RB1CC1: variants seen among roughly 807,000 people sequenced by gnomAD.
RB1CC1 encodes the protein RB1 inducible coiled-coil 1.
A neutral mutation model predicts 177.5 loss-of-function variants in RB1CC1; 46 were observed. That is an observed-to-expected ratio of 0.26 (90% CI 0.20 to 0.33). The LOEUF (loss-of-function observed/expected upper bound fraction) is 0.33, where lower values mean the gene tolerates loss of function less well. Ranked by LOEUF, RB1CC1 falls within the 10% of genes least tolerant of loss-of-function variation. The probability of loss-of-function intolerance (pLI) is 1.00; values close to 1 mark genes in which losing one functional copy is unlikely to be tolerated. For synonymous variants in RB1CC1, 666 were observed against 613.6 expected, an observed-to-expected ratio of 1.09 and a Z score of -1.26; for missense variants, 1,703 against 1,816.3, an observed-to-expected ratio of 0.94 and a Z score of 1.13.
chr8:52,684,329 C>T (rs779447391), intron 3 of RB1CC1, among the ~76,000 whole-genome samples: 13 of 152,128 alleles, frequency 8.5e-5, no homozygotes, highest in South Asian at 4.1e-4. Context: ...TGTGAAGATT[C>T]CTTCCTATCC....
chr8:52,650,154 G>GAAAT (rs1328909909), intron 15 of RB1CC1, among the ~76,000 whole-genome samples: 1 of 152,220 alleles, frequency 6.6e-6, no homozygotes, highest in East Asian at 1.9e-4. Flanking sequence ...TGGTGAAAGG[G>GAAAT]AAATATGCCG....
intron 19 of RB1CC1, among the ~76,000 whole-genome samples, chr8:52,635,493 A>G (rs996482498): frequency 1.3e-5 from 2 of 152,302 alleles, no homozygotes; most frequent in East Asian, 3.9e-4. Flanking sequence ...TCTATGAACA[A>G]TGATCTGCCA....
Position 52,656,045 on chromosome 8 carries a change from C to G in RB1CC1, c.3784G>C (p.Glu1262Gln). The G allele has an allele frequency of 1.2e-6, 2 of 1,610,678 alleles. No homozygotes were observed. The highest frequency in any genetic ancestry group is 2.2e-5 in the South Asian group (2 of 90,314). Residue 1262 changes from glutamate to glutamine, a missense_variant, in exon 15 of 24, where the codon GAA (glutamate) becomes CAA (glutamine). Coordinates refer to ENST00000025008, the MANE Select transcript of RB1CC1 (RefSeq NM_014781.5). ...EREVVEKELL[E>Q]KVKHLENQIA... Reference sequence around the variant, plus strand: ...TGATTCTCAAGATGTTTAACTTTTTCTAATAACTCTTTCTCAACAACTTCT... The same window carrying G: ...TGATTCTCAAGATGTTTAACTTTTTGTAATAACTCTTTCTCAACAACTTCT...
chr8:52,630,479 GC>G lies in RB1CC1; in HGVS notation c.4489del (p.Ala1497LeufsTer15). 6.3e-7 allele frequency: 1 copy of G among 1,581,538 alleles called. No homozygotes were observed. Among genetic ancestry groups the G allele is most frequent in the Non-Finnish European group, 8.6e-7 (1 of 1,167,456 alleles). On this transcript the variant is annotated frameshift_variant, in exon 21 of 24. Coordinates refer to ENST00000025008, the MANE Select transcript of RB1CC1 (RefSeq NM_014781.5). LOFTEE classifies it high-confidence loss of function. The stretch of plus-strand genomic sequence containing the variant: ...AAACTAAAATACTTACTCTCTAATA[GC>G]TATCTTTTCAGAATGCCTTGAAGAT... Reference protein sequence around the residue: ...SVSSRHSEKIAIRDFQVGDLV... With the variant: ...SVSSRHSEKIXIRDFQVGDLV...
chr8:52,675,607 A>AC (rs1263860440), intron 6 of RB1CC1, among the ~76,000 whole-genome samples: 1 of 151,784 alleles, frequency 6.6e-6, no homozygotes, highest in African/African-American at 2.4e-5. Flanking sequence ...GCAGTGGCTC[A>AC]CGCCTGTAAT....
intron 1 of RB1CC1, among the ~76,000 whole-genome samples, chr8:52,704,178 T>C (rs1264789319): frequency 6.6e-6 from 1 of 152,180 alleles, no homozygotes; most frequent in Non-Finnish European, 1.5e-5. Flanking sequence ...TCAGGAGTTA[T>C]CCAATTTCTC....
chr8:52,656,041 T>C lies in RB1CC1; in HGVS notation c.3788A>G (p.Lys1263Arg), dbSNP rs776790288. Residue 1263 changes from lysine (K) to arginine (R), a missense_variant, in exon 15 of 24, where the codon AAA (lysine) becomes AGA (arginine). Lys to Arg is a conservative substitution (Grantham distance 26, BLOSUM62 2). This residue lies in a region of RB1CC1 where 1,169 missense variants were observed against 1,184.7 expected (regional missense o/e 0.99). Coordinates refer to ENST00000025008, the MANE Select transcript of RB1CC1 (RefSeq NM_014781.5). ...TATTTGATTCTCAAGATGTTTAACT[T>C]TTTCTAATAACTCTTTCTCAACAAC... is the stretch of plus-strand genomic sequence containing the variant. ...REVVEKELLE[K>R]VKHLENQIAK... 6.2e-7 allele frequency: 1 copy of C among 1,610,896 alleles called. No individual in the cohort carries two copies. Among genetic ancestry groups the C allele is most frequent in the East Asian group, 2.2e-5 (1 of 44,752 alleles).
At chr8:52,630,615 C>T (rs1302277956) in intron 20 of RB1CC1, 87 bp from the exon 21 acceptor site, 3 of 1,348,418 alleles carry the variant, frequency 2.2e-6, no homozygotes, top group African/African-American at 3.0e-5. Context: ...CTGTTATACA[C>T]ATTCAAGCCT....
At chr8:52,636,909 T>A (rs1274320422) in intron 18 of RB1CC1, among the ~76,000 whole-genome samples, 4 of 152,306 alleles carry the variant, frequency 2.6e-5, no homozygotes, top group Middle Eastern at 3.4e-3. Context: ...CGACCATGAA[T>A]ACGAGGGCTA....
intron 12 of RB1CC1, among the ~76,000 whole-genome samples, chr8:52,659,321 T>C (rs1278083184): frequency 6.6e-6 from 1 of 152,110 alleles, no homozygotes; most frequent in African/African-American, 2.4e-5. Flanking sequence ...CGTATATATA[T>C]AATATTTACC....
chr8:52,660,513 A>C, intron 12 of RB1CC1, 83 bp downstream of exon 12: 1 of 1,280,888 alleles, frequency 7.8e-7, no homozygotes. Flanking sequence ...AATTTCTGCA[A>C]GTTTCTGATA....
Position 52,658,151 on chromosome 8 carries a change from C to T in RB1CC1, c.1794-27G>A, listed in dbSNP as rs771353054. ...TGAAACAGAATGCAATGCAATTAGA[C>T]TTCTGATTTTTTAATGAACTAGTAG... On this transcript the variant is annotated intron_variant, in intron 13 of 23. Transcript: ENST00000025008. 13 of 1,591,326 alleles carry T rather than the reference C, an allele frequency of 8.2e-6. No homozygotes were observed. In the South Asian group the frequency reaches 1.5e-4, roughly 18 times the overall value.
chr8:52,628,232 T>C, intron 21 of RB1CC1, 64 bp from the exon 22 acceptor site: 3 of 1,451,348 alleles, frequency 2.1e-6, no homozygotes, highest in Middle Eastern at 3.9e-4. Flanking sequence ...TCTGAAAACT[T>C]AGCATATATA....
intron 15 of RB1CC1, among the ~76,000 whole-genome samples, chr8:52,648,034 G>T (rs893202063): frequency 5.3e-5 from 8 of 152,174 alleles, no homozygotes; most frequent in Admixed American, 3.3e-4. Context: ...ATTGCTTGGG[G>T]TACTCCATTT....
intron 21 of RB1CC1, 118 bp downstream of exon 21, chr8:52,630,352 G>T: frequency 7.9e-7 from 1 of 1,260,876 alleles, no homozygotes; most frequent in Non-Finnish European, 1.1e-6. Flanking sequence ...CTACTACTGA[G>T]TGCAAAACAC....
At chr8:52,692,591 G>A (rs1228633500) in intron 1 of RB1CC1, among the ~76,000 whole-genome samples, 1 of 152,032 alleles carries the variant, frequency 6.6e-6, no homozygotes, top group African/African-American at 2.4e-5. Context: ...TAGAAAGAAA[G>A]TTGTAAAAAC....
intron 1 of RB1CC1, among the ~76,000 whole-genome samples, chr8:52,689,613 T>C (rs1440779787): frequency 1.3e-5 from 2 of 152,146 alleles, no homozygotes; most frequent in South Asian, 2.1e-4. Flanking sequence ...ACAGCAAATA[T>C]AATATGCTCT....
intron 8 of RB1CC1, among the ~76,000 whole-genome samples, chr8:52,667,629 A>T (rs916535438): frequency 2.0e-4 from 30 of 152,202 alleles, no homozygotes; most frequent in Non-Finnish European, 4.3e-4. Flanking sequence ...TCTAAAACCT[A>T]GGTATTACTA....
chr8:52,623,938 A>ACACAC, intron 23 of RB1CC1, 79 bp from the exon 24 acceptor site: 4 of 899,934 alleles, frequency 4.4e-6, no homozygotes, highest in Non-Finnish European at 7.1e-6. Flanking sequence ...ACACACACCC[A>ACACAC]AAAAACAAAA....
Sources: gnomAD v4.1 joint callset for allele counts (sites outside exome capture counted in the v4.1 genomes callset) on GRCh38, gnomAD v4.1.1 for gene constraint, gnomAD v4.1.1 regional missense constraint, MANE v1.5 for transcripts, NCBI Gene and HGNC (gene_info 2026-07-23, HGNC 2026-07-21) for gene names.